DDX10: variants seen among roughly 807,000 people sequenced by gnomAD.
DDX10 encodes DEAD-box helicase 10, also known as probable ATP-dependent RNA helicase DDX10.
In DDX10, 74 loss-of-function variants were observed where a neutral mutation model predicts 104.3. The observed-to-expected ratio is 0.71, with a 90% CI of 0.59 to 0.86. The LOEUF is 0.86. Ranked by LOEUF, DDX10 falls within the 40% of genes least tolerant of loss-of-function variation. The pLI, the probability that DDX10 is intolerant of heterozygous loss-of-function variation, is 0.00. For missense variants in DDX10, 952 were observed against 1,040.0 expected, an observed-to-expected ratio of 0.92 and a Z score of 1.16; for synonymous variants, 351 against 353.4, an observed-to-expected ratio of 0.99 and a Z score of 0.08.
chr11:108,687,763 T>A lies in DDX10; in HGVS notation c.849-1173T>A, dbSNP rs564231512. Among the ~76,000 whole-genome samples the A allele has an allele frequency of 8.1e-4, 124 of 152,346 alleles. 1 individual carries two copies. The Middle Eastern group carries it at 0.024, about 29-fold the overall frequency. On this transcript the variant is annotated intron_variant, in intron 6 of 17. Coordinates refer to ENST00000322536, the MANE Select transcript of DDX10 (RefSeq NM_004398.4). ...TTCTTTTGATAGTGTGTTTCACAGA[T>A]CAGAAACATTTAATTTTAATGAAGT...
intron 12 of DDX10, among the ~76,000 whole-genome samples, 191 bp downstream of exon 12, chr11:108,720,076 T>C (rs1394335081): frequency 6.6e-6 from 1 of 152,066 alleles, no homozygotes; most frequent in East Asian, 1.9e-4. Context: ...CCAGAGAGAA[T>C]TTGTTTGAAA....
At chr11:108,827,073 AAATT>A (rs1350366740) in intron 13 of DDX10, among the ~76,000 whole-genome samples, 1 of 152,240 alleles carries the variant, frequency 6.6e-6, no homozygotes, top group Non-Finnish European at 1.5e-5. Flanking sequence ...ACAAACTGCT[AAATT>A]AATCTAAGCT....
At chr11:108,847,932 A>G (rs1351848419) in intron 15 of DDX10, among the ~76,000 whole-genome samples, 1 of 152,168 alleles carries the variant, frequency 6.6e-6, no homozygotes, top group Non-Finnish European at 1.5e-5. Flanking sequence ...CTCTTACCCC[A>G]AGGTCTTTGT....
intron 17 of DDX10, among the ~76,000 whole-genome samples, chr11:108,935,841 G>A (rs1469067795): frequency 6.6e-6 from 1 of 151,932 alleles, no homozygotes; most frequent in African/African-American, 2.4e-5. Context: ...CATCTGTTTT[G>A]TTTTCAATGA....
intron 13 of DDX10, among the ~76,000 whole-genome samples, chr11:108,777,772 C>T (rs1450755032): frequency 1.3e-5 from 2 of 152,190 alleles, no homozygotes; most frequent in Admixed American, 1.3e-4. Flanking sequence ...TTGCGGATGA[C>T]ATGATTGTAT....
chr11:108,740,519 G>A (rs1349751136), intron 13 of DDX10, among the ~76,000 whole-genome samples: 2 of 152,102 alleles, frequency 1.3e-5, no homozygotes, highest in Admixed American at 6.6e-5. Flanking sequence ...GGATTGCTGG[G>A]TTGAATGGTA....
At chr11:108,868,966 CTT>C (rs36048300) in intron 16 of DDX10, among the ~76,000 whole-genome samples, 1 of 137,108 alleles carries the variant, frequency 7.3e-6, no homozygotes, top group Non-Finnish European at 1.5e-5. Flanking sequence ...AAGAATTAAG[CTT>C]TTTTTTTTTT....
intron 10 of DDX10, among the ~76,000 whole-genome samples, chr11:108,712,805 GT>G (rs1356290468): frequency 0.02 from 2,890 of 145,774 alleles, 98 homozygotes; most frequent in African/African-American, 0.068. Flanking sequence ...TCTCACTTAC[GT>G]TTTTTTTTTT....
At position 108,735,694 on chromosome 11, in the gene DDX10, T is replaced by G. The variant is rs115287485; in HGVS notation, c.1965+12232T>G. 1.2e-3 allele frequency among the ~76,000 whole-genome samples: 168 copies of G among 142,396 alleles called. 2 individuals carry two copies. Among genetic ancestry groups the G allele is most frequent in the African/African-American group, 4.1e-3 (163 of 39,998 alleles). 93.4% of individuals were successfully genotyped at this position (142,396 alleles called of 152,430 possible). On this transcript the variant is annotated intron_variant, in intron 13 of 17. Coordinates refer to ENST00000322536, the MANE Select transcript of DDX10 (RefSeq NM_004398.4). ...ACTTCACTGCTTTTGTTGAAATAAA[T>G]TATTTCAAGAACATTAAAAAAAAAA...
intron 13 of DDX10, among the ~76,000 whole-genome samples, chr11:108,835,101 T>TTAA (rs1862535988): frequency 6.6e-6 from 1 of 152,090 alleles, no homozygotes; most frequent in South Asian, 2.1e-4. Context: ...GGGGGTCTTA[T>TTAA]TAATCCCTTG....
At chr11:108,675,492 A>G (rs935995917) in intron 2 of DDX10, 104 bp from the exon 3 acceptor site, 76 of 1,278,536 alleles carry the variant, frequency 5.9e-5, no homozygotes, top group Non-Finnish European at 7.8e-5. Flanking sequence ...GGTACGAGGC[A>G]TTAGGGCTTC....
rs75694997 is a variant in DDX10 at position 108,867,507 on chromosome 11, C to T, written c.2304+15298C>T. 5.8e-3 allele frequency among the ~76,000 whole-genome samples: 883 copies of T among 152,224 alleles called. 7 individuals carry two copies. The highest frequency in any genetic ancestry group is 0.02 in the African/African-American group (843 of 41,546). On this transcript the variant is annotated intron_variant, in intron 16 of 17. Coordinates refer to ENST00000322536, the MANE Select transcript of DDX10 (RefSeq NM_004398.4). ...ACCACACTGTTTTGAAAATTAGCTA[C>T]CATAGTCAAGAACCTGGAAGTGAAC... is the stretch of plus-strand genomic sequence containing the variant.
At position 108,706,255 on chromosome 11, in the gene DDX10, A is replaced by G. The variant is rs533492804; in HGVS notation, c.1224-484A>G. Among the ~76,000 whole-genome samples the G allele has an allele frequency of 7.2e-5, 11 of 152,304 alleles. No homozygotes were observed. The South Asian group carries it at 2.3e-3, about 32-fold the overall frequency. ...CCAAAGTGCTGGAATTACATGCATGAGCCACCGCACCCGGCCGAACAGATC... is the reference window on the plus strand; with the variant it reads ...CCAAAGTGCTGGAATTACATGCATGGGCCACCGCACCCGGCCGAACAGATC... On this transcript the variant is annotated intron_variant, in intron 9 of 17. Transcript: ENST00000322536.
intron 14 of DDX10, among the ~76,000 whole-genome samples, chr11:108,840,025 T>G (rs1463262084): frequency 7.2e-5 from 11 of 152,244 alleles, no homozygotes; most frequent in Admixed American, 7.2e-4. Context: ...TCCTGAAACT[T>G]CTGACTTAAA....
chr11:108,875,098 C>G (rs1266148432), intron 16 of DDX10, among the ~76,000 whole-genome samples: 4 of 152,164 alleles, frequency 2.6e-5, no homozygotes, highest in Non-Finnish European at 4.4e-5. Context: ...GAGGTTTTGC[C>G]TATTTCAAGA....
chr11:108,834,927 CAAAAA>C (rs56174572), intron 13 of DDX10, among the ~76,000 whole-genome samples: 2 of 62,252 alleles, frequency 3.2e-5, no homozygotes, highest in African/African-American at 6.6e-5. Flanking sequence ...GACTCCATCT[CAAAAA>C]AAAAAAAAAA....
chr11:108,907,103 T>A (rs1591120100), intron 16 of DDX10, among the ~76,000 whole-genome samples: 1 of 152,180 alleles, frequency 6.6e-6, no homozygotes, highest in South Asian at 2.1e-4. Context: ...TGCCTGCCAT[T>A]CTTAACTTTA....
chr11:108,757,736 T>C (rs1480841671), intron 13 of DDX10, among the ~76,000 whole-genome samples: 1 of 152,054 alleles, frequency 6.6e-6, no homozygotes, highest in Non-Finnish European at 1.5e-5. Flanking sequence ...CTGACCCTTA[T>C]AATCTGTTTT....
chr11:108,703,393 G>A (rs948816761), intron 9 of DDX10, among the ~76,000 whole-genome samples: 3 of 151,768 alleles, frequency 2.0e-5, no homozygotes, highest in Admixed American at 6.6e-5. Context: ...GCAGTGGCGC[G>A]ATCTCTGCTC....
Sources: gnomAD v4.1 joint callset for allele counts (sites outside exome capture counted in the v4.1 genomes callset) on GRCh38, gnomAD v4.1.1 for gene constraint, MANE v1.5 for transcripts, NCBI Gene and HGNC (gene_info 2026-07-23, HGNC 2026-07-21) for gene names.